Variants in ZNF804A observed in about 807,000 individuals in gnomAD.
The protein encoded by ZNF804A is zinc finger protein 804A.
Under a neutral mutation model 16.5 loss-of-function variants are expected in ZNF804A, and 2 were observed. The observed-to-expected ratio is 0.12, with a 90% CI of 0.05 to 0.38. The LOEUF (loss-of-function observed/expected upper bound fraction) is 0.38, where lower values mean the gene tolerates loss of function less well. Among genes scored for constraint, ZNF804A ranks in the 10% least tolerant of loss-of-function variants. ZNF804A has a pLI of 0.99. For missense variants in ZNF804A, 1,473 were observed against 1,390.7 expected, an observed-to-expected ratio of 1.06 and a Z score of -0.94; for synonymous variants, 534 against 489.6, an observed-to-expected ratio of 1.09 and a Z score of -1.20.
rs535613841 is a variant in ZNF804A at position 184,833,074 on chromosome 2, T to C, written c.112-33295T>C. Among the ~76,000 whole-genome samples, 4 of 152,132 alleles carry C rather than the reference T, an allele frequency of 2.6e-5. No individual in the cohort carries two copies. The South Asian group carries it at 8.3e-4, about 31-fold the overall frequency. ...AATTTCATTAAATACTCTTAGAGAATTGCTTTCCACTGTAACTGTCCTAGT... is the reference window on the plus strand; with the variant it reads ...AATTTCATTAAATACTCTTAGAGAACTGCTTTCCACTGTAACTGTCCTAGT... On this transcript the variant is annotated intron_variant, in intron 1 of 3. Coordinates refer to ENST00000302277, the MANE Select transcript of ZNF804A (RefSeq NM_194250.2).
intron 1 of ZNF804A, among the ~76,000 whole-genome samples, chr2:184,859,231 T>C (rs533341075): frequency 2.0e-5 from 3 of 152,258 alleles, no homozygotes; most frequent in African/African-American, 7.2e-5. Flanking sequence ...TCTATACTTT[T>C]ATGATTTAAA....
chr2:184,641,040 C>T (rs1445157040), intron 1 of ZNF804A, among the ~76,000 whole-genome samples: 3 of 152,114 alleles, frequency 2.0e-5, no homozygotes, highest in Non-Finnish European at 4.4e-5. Flanking sequence ...CTGCAACCTC[C>T]GCTTCCTGGG....
In ZNF804A at chr2:184,937,590, T is replaced by C. The variant is rs761667409; in HGVS notation, c.2194T>C (p.Cys732Arg). ...YCCWKTKMSS[C>R]SQDHRSLVLQ... Reference sequence around the variant, plus strand: ...TTGTTGGAAAACCAAAATGTCAAGCTGTAGTCAGGATCACAGAAGCTTAGT... The same window carrying C: ...TTGTTGGAAAACCAAAATGTCAAGCCGTAGTCAGGATCACAGAAGCTTAGT... Residue 732 changes from cysteine to arginine, a missense_variant, in exon 4 of 4, where the codon TGT becomes CGT. By Grantham distance (180) the Cys-to-Arg change is radical. Coordinates refer to ENST00000302277, the MANE Select transcript of ZNF804A (RefSeq NM_194250.2). The C allele has an allele frequency of 3.1e-6, 5 of 1,613,292 alleles. No individual in the cohort carries two copies. The South Asian group carries it at 5.5e-5, about 18-fold the overall frequency.
At chr2:184,762,120 A>G (rs1574199932) in intron 1 of ZNF804A, among the ~76,000 whole-genome samples, 1 of 148,712 alleles carries the variant, frequency 6.7e-6, no homozygotes, top group Non-Finnish European at 1.5e-5. Context: ...CTCCTCCTTC[A>G]TTTTCTCTGT....
intron 1 of ZNF804A, among the ~76,000 whole-genome samples, chr2:184,756,116 A>C (rs942753414): frequency 2.6e-5 from 4 of 152,020 alleles, no homozygotes; most frequent in Non-Finnish European, 5.9e-5. Flanking sequence ...TTTTTTCCTC[A>C]GTATTTATAA....
chr2:184,829,899 CAAAAAAAAA>C (rs1244566222), intron 1 of ZNF804A, among the ~76,000 whole-genome samples: 1 of 38,896 alleles, frequency 2.6e-5, no homozygotes, highest in Non-Finnish European at 4.8e-5. Context: ...CTGTCTCTAC[CAAAAAAAAA>C]AAAAAAAAAA....
At chr2:184,917,596 G>C (rs1331091321) in intron 2 of ZNF804A, among the ~76,000 whole-genome samples, 4 of 151,892 alleles carry the variant, frequency 2.6e-5, no homozygotes, top group Non-Finnish European at 5.9e-5. Flanking sequence ...GTATATTACA[G>C]TATATTGTTA....
At chr2:184,855,354 AC>A (rs1438526501) in intron 1 of ZNF804A, among the ~76,000 whole-genome samples, 1 of 152,026 alleles carries the variant, frequency 6.6e-6, no homozygotes, top group Non-Finnish European at 1.5e-5. Flanking sequence ...GGTTTCACAA[AC>A]CTTTGTTTTC....
intron 1 of ZNF804A, among the ~76,000 whole-genome samples, chr2:184,771,567 C>T (rs917974984): frequency 2.8e-4 from 42 of 151,100 alleles, no homozygotes; most frequent in Admixed American, 6.0e-4. Context: ...GGCAATATAG[C>T]GAGACCCCAG....
intron 1 of ZNF804A, among the ~76,000 whole-genome samples, chr2:184,803,705 T>C (rs1694758702): frequency 1.3e-5 from 2 of 152,186 alleles, no homozygotes; most frequent in Non-Finnish European, 2.9e-5. Flanking sequence ...TAATTCCTCA[T>C]ACTTCAACAA....
Position 184,660,223 on chromosome 2 carries a change from GCA to G in ZNF804A, c.111+61156_111+61157del, listed in dbSNP as rs543036337. Among the ~76,000 whole-genome samples, 167 of 152,294 alleles carry G rather than the reference GCA, an allele frequency of 1.1e-3. 2 individuals are homozygous for G. In the South Asian group the frequency reaches 0.02, roughly 18 times the overall value. On this transcript the variant is annotated intron_variant, in intron 1 of 3. Coordinates refer to ENST00000302277, the MANE Select transcript of ZNF804A (RefSeq NM_194250.2). ...ATAACATTTTGAAATTTGTATGAAA[GCA>G]CAGTCTAAATTCTTCCATTTAAAAA...
intron 1 of ZNF804A, among the ~76,000 whole-genome samples, chr2:184,649,390 A>G (rs1230507095): frequency 1.3e-5 from 2 of 152,126 alleles, no homozygotes; most frequent in Non-Finnish European, 1.5e-5. Context: ...ACAAGGAGAA[A>G]CTAACCCCAA....
intron 1 of ZNF804A, among the ~76,000 whole-genome samples, chr2:184,779,047 C>T: frequency 6.6e-6 from 1 of 151,658 alleles, no homozygotes; most frequent in Admixed American, 6.6e-5. Context: ...CATCCACCAA[C>T]ACAATTTCAC....
intron 1 of ZNF804A, among the ~76,000 whole-genome samples, chr2:184,770,909 AT>A: frequency 6.6e-6 from 1 of 152,228 alleles, no homozygotes; most frequent in Middle Eastern, 3.4e-3. Flanking sequence ...GGTATATTCA[AT>A]TGAAATATGT....
At chr2:184,815,519 T>C (rs1694970811) in intron 1 of ZNF804A, among the ~76,000 whole-genome samples, 1 of 151,952 alleles carries the variant, frequency 6.6e-6, no homozygotes, top group Non-Finnish European at 1.5e-5. Context: ...CAGAATAATA[T>C]ATAGCTACTT....
chr2:184,917,145 C>T (rs1685461213), intron 2 of ZNF804A, among the ~76,000 whole-genome samples: 1 of 152,092 alleles, frequency 6.6e-6, no homozygotes, highest in Non-Finnish European at 1.5e-5. Context: ...TTGACACATG[C>T]AATTAACCAT....
intron 1 of ZNF804A, among the ~76,000 whole-genome samples, chr2:184,827,501 T>C (rs1695185179): frequency 6.8e-6 from 1 of 146,972 alleles, no homozygotes; most frequent in Non-Finnish European, 1.5e-5. Context: ...TATAAAAATA[T>C]ATATATATAA....
intron 1 of ZNF804A, among the ~76,000 whole-genome samples, chr2:184,646,411 G>A (rs1691873115): frequency 1.3e-5 from 2 of 152,176 alleles, no homozygotes; most frequent in South Asian, 4.1e-4. Context: ...CCCTTGAGAT[G>A]TTGGTGCATC....
intron 1 of ZNF804A, among the ~76,000 whole-genome samples, chr2:184,865,070 G>C (rs1358188581): frequency 6.6e-6 from 1 of 151,764 alleles, no homozygotes; most frequent in East Asian, 1.9e-4. Context: ...AGTAGAGACA[G>C]TGTTTTATCA....
Sources: gnomAD v4.1 joint callset for allele counts (sites outside exome capture counted in the v4.1 genomes callset) on GRCh38, gnomAD v4.1.1 for gene constraint, MANE v1.5 for transcripts, NCBI Gene and HGNC (gene_info 2026-07-23, HGNC 2026-07-21) for gene names.